BTN3A2: variants seen among roughly 807,000 people sequenced by gnomAD.
BTN3A2 encodes butyrophilin protein.
In BTN3A2, 25 loss-of-function variants were observed where a neutral mutation model predicts 37.6. The observed-to-expected ratio is 0.66, with a 90% confidence interval of 0.48 to 0.93. BTN3A2 has a LOEUF of 0.93. Among genes scored for constraint, BTN3A2 ranks in the 40% least tolerant of loss-of-function variants. The probability of loss-of-function intolerance (pLI) is 0.00; values close to 1 mark genes in which losing one functional copy is unlikely to be tolerated. For missense variants in BTN3A2, 266 were observed against 410.9 expected, an observed-to-expected ratio of 0.65 and a Z score of 3.05; for synonymous variants, 122 against 159.4, an observed-to-expected ratio of 0.77 and a Z score of 1.77.
At chr6:26,365,958 A>G (rs914490081) in intron 1 of BTN3A2, among the ~76,000 whole-genome samples, 2 of 152,180 alleles carry the variant, frequency 1.3e-5, no homozygotes, top group African/African-American at 4.8e-5. Context: ...TAATTAAGTG[A>G]AATTCTTTAT....
chr6:26,370,480 G>A lies in BTN3A2; in HGVS notation c.592G>A (p.Gly198Arg), dbSNP rs1759997656. Residue 198 changes from glycine (G) to arginine (R), a missense_variant, in exon 5 of 11, where the codon GGA becomes AGA. Around this residue, in one of 3 missense-constraint regions of BTN3A2, gnomAD observed 204 missense variants for 232.6 expected, o/e 0.88. Transcript: ENST00000377708. ...PAVEAPVVAD[G>R]VGLYEVAASV... ...TGTGGAAGCACCTGTGGTTGCAGATGGAGTGGGCCTATATGAAGTAGCAGC... is the reference window on the plus strand; with the variant it reads ...TGTGGAAGCACCTGTGGTTGCAGATAGAGTGGGCCTATATGAAGTAGCAGC... 2 of 1,614,194 alleles carry A rather than the reference G, an allele frequency of 1.2e-6. No individual in the cohort carries two copies. The highest frequency in any genetic ancestry group is 1.3e-5 in the African/African-American group (1 of 75,070).
intron 5 of BTN3A2, chr6:26,372,684 C>T (rs984382301): frequency 9.1e-6 from 5 of 549,650 alleles, no homozygotes; most frequent in Non-Finnish European, 1.3e-5. Flanking sequence ...GAGAGGCAGA[C>T]ATCTCAAGAT....
At position 26,376,867 on chromosome 6, in the gene BTN3A2, A is replaced by G; in HGVS notation, c.*1105A>G. 6.2e-7 allele frequency: 1 copy of G among 1,614,084 alleles called. No homozygotes were observed. The highest frequency in any genetic ancestry group is 8.5e-7 in the Non-Finnish European group (1 of 1,179,990). Reference sequence around the variant, plus strand: ...GGATACTGGACTATGGGCCTGACTGATGGGAATAAGTATCGGGCTCTCACT... The same window carrying G: ...GGATACTGGACTATGGGCCTGACTGGTGGGAATAAGTATCGGGCTCTCACT... On this transcript the variant is annotated 3_prime_UTR_variant, in exon 11 of 11. Transcript: ENST00000377708.
At position 26,371,963 on chromosome 6, in the gene BTN3A2, G is replaced by A. The variant is rs192375641; in HGVS notation, c.716-934G>A. On this transcript the variant is annotated intron_variant, in intron 5 of 10. Coordinates refer to ENST00000377708, the MANE Select transcript of BTN3A2 (RefSeq NM_007047.5). ...TAAAGTGCTGGGATTACAGGCGTGA[G>A]CCACTGCAACCGGCCTGTAAAAGGT... Among the ~76,000 whole-genome samples the A allele has an allele frequency of 1.2e-3, 178 of 152,320 alleles. 1 individual carries two copies. Among genetic ancestry groups the A allele is most frequent in the Non-Finnish European group, 2.3e-3 (156 of 68,036 alleles).
Position 26,376,948 on chromosome 6 carries a change from T to C in BTN3A2, c.*1186T>C, listed in dbSNP as rs1760749962. ...CCTCCTAGGAAAGTGGGGGTCATCC[T>C]GGACTATGAGACTGGACATATCTCG... On this transcript the variant is annotated 3_prime_UTR_variant, in exon 11 of 11. Transcript: ENST00000377708. 1 of 1,605,396 alleles carries C rather than the reference T, an allele frequency of 6.2e-7. No homozygotes were observed. The highest frequency in any genetic ancestry group is 1.3e-5 in the African/African-American group (1 of 74,734).
intron 10 of BTN3A2, chr6:26,375,034 T>C: frequency 2.4e-6 from 1 of 413,380 alleles, no homozygotes; most frequent in African/African-American, 2.0e-5. Flanking sequence ...CCCAAAGAAC[T>C]TTGTCCTTCC....
intron 1 of BTN3A2, among the ~76,000 whole-genome samples, chr6:26,366,475 AT>A (rs1173587053): frequency 6.6e-6 from 1 of 152,156 alleles, no homozygotes; most frequent in Non-Finnish European, 1.5e-5. Flanking sequence ...ATTCCTTTAT[AT>A]TTTTTTCTTT....
chr6:26,370,612 C>A lies in BTN3A2; in HGVS notation c.715+9C>A. On this transcript the variant is annotated intron_variant, in intron 5 of 10. Coordinates refer to ENST00000377708, the MANE Select transcript of BTN3A2 (RefSeq NM_007047.5). ...CAGCATTTCCATCGCAGGTCAGTACCTGCTTGGCCTCAGGTTTTCTGAGCT... is the reference window on the plus strand; with the variant it reads ...CAGCATTTCCATCGCAGGTCAGTACATGCTTGGCCTCAGGTTTTCTGAGCT... 1.9e-6 allele frequency: 3 copies of A among 1,613,694 alleles called. No individual in the cohort carries two copies. The highest frequency in any genetic ancestry group is 2.5e-6 in the Non-Finnish European group (3 of 1,179,646).
rs924387378 is a variant in BTN3A2 at position 26,376,360 on chromosome 6, A to G, written c.*598A>G. ...TGGGGCCGCATCAGGGTATTGGGTT[A>G]GGCAGATACTGACCTTACTTTCATT... is the stretch of plus-strand genomic sequence containing the variant. On this transcript the variant is annotated 3_prime_UTR_variant, in exon 11 of 11. Coordinates refer to ENST00000377708, the MANE Select transcript of BTN3A2 (RefSeq NM_007047.5). 4 of 309,206 alleles carry G rather than the reference A, an allele frequency of 1.3e-5. No homozygotes were observed. The highest frequency in any genetic ancestry group is 8.6e-5 in the African/African-American group (4 of 46,730). 19.2% of individuals were successfully genotyped at this position (309,206 alleles called of 1,614,324 possible).
chr6:26,371,887 C>T (rs1760152096), intron 5 of BTN3A2, among the ~76,000 whole-genome samples: 1 of 152,150 alleles, frequency 6.6e-6, no homozygotes, highest in South Asian at 2.1e-4. Context: ...CCATGTTGGC[C>T]AGGCTGGTCT....
chr6:26,376,487 C>CAG lies in BTN3A2; in HGVS notation c.*726_*727dup, dbSNP rs1760724218. ...ACACGGGGTTCTGGAAGGACCTCCT[C>CAG]AGCATGGCCCAAGCCTTGCATGCTG... On this transcript the variant is annotated 3_prime_UTR_variant, in exon 11 of 11. Transcript: ENST00000377708. 1.7e-6 allele frequency: 2 copies of CAG among 1,170,118 alleles called. No homozygotes were observed. The highest frequency in any genetic ancestry group is 6.2e-5 in the East Asian group (2 of 32,422). 72.5% of individuals were successfully genotyped at this position (1,170,118 alleles called of 1,614,324 possible). A position where few individuals can be genotyped will look rare whatever the true frequency, so the allele number is the denominator to read the frequency against.
At position 26,370,479 on chromosome 6, in the gene BTN3A2, T is replaced by C. The variant is rs9379862; in HGVS notation, c.591T>C (p.Asp197=). The part of the protein sequence containing the change: ...IPAVEAPVVA[D]GVGLYEVAAS... ...CTGTGGAAGCACCTGTGGTTGCAGA[T>C]GGAGTGGGCCTATATGAAGTAGCAG... is the stretch of plus-strand genomic sequence containing the variant. Residue 197 remains aspartate (D), a synonymous_variant, in exon 5 of 11, where the codon GAT becomes GAC. Coordinates refer to ENST00000377708, the MANE Select transcript of BTN3A2 (RefSeq NM_007047.5). 395,860 of 1,613,920 alleles carry C rather than the reference T, an allele frequency of 0.25. 49,941 individuals are homozygous for C. The highest frequency in any genetic ancestry group is 0.31 in the African/African-American group (23,259 of 74,976).
intron 4 of BTN3A2, 106 bp from the exon 5 acceptor site, chr6:26,370,216 T>G: frequency 7.2e-6 from 10 of 1,396,824 alleles, no homozygotes; most frequent in Non-Finnish European, 9.8e-6. Flanking sequence ...AGCTCCTGAA[T>G]GAAATATCTC....
intron 9 of BTN3A2, 54 bp from the exon 10 acceptor site, chr6:26,374,717 G>A (rs1760536479): frequency 4.1e-6 from 6 of 1,476,600 alleles, no homozygotes; most frequent in Non-Finnish European, 4.7e-6. Flanking sequence ...AGAATGGAGT[G>A]GGAAAAGTAC....
chr6:26,374,107 C>T (rs950485568), intron 8 of BTN3A2: 10 of 489,726 alleles, frequency 2.0e-5, no homozygotes, highest in Non-Finnish European at 3.2e-5. Flanking sequence ...TGCCCTGCCA[C>T]TAGCGTTCAA....
rs1195957581 is a variant in BTN3A2, at chr6:26,365,298, T to C, written c.-121T>C. On this transcript the variant is annotated 5_prime_UTR_variant, in exon 1 of 11. Transcript: ENST00000377708. ...CCATAATAGAAAGAATGGAGAATTATTGATTGACCGTCTTTATTCTGTGGG... is the reference window on the plus strand; with the variant it reads ...CCATAATAGAAAGAATGGAGAATTACTGATTGACCGTCTTTATTCTGTGGG... The C allele has an allele frequency of 1.5e-5, 23 of 1,535,132 alleles. No homozygotes were observed. Among genetic ancestry groups the C allele is most frequent in the Non-Finnish European group, 1.9e-5 (22 of 1,146,132 alleles).
Position 26,377,723 on chromosome 6 carries a change from C to G in BTN3A2, c.*1961C>G, listed in dbSNP as rs914859084. 1.4e-4 allele frequency: 24 copies of G among 175,526 alleles called. 1 individual carries two copies. The highest frequency in any genetic ancestry group is 2.9e-3 in the Middle Eastern group (1 of 350). The allele number at this position is 175,526 out of a possible 1,614,324, so 10.9% of individuals were successfully genotyped here. A position where few individuals can be genotyped will look rare whatever the true frequency, so the allele number is the denominator to read the frequency against. ...CTGCATGGGAAGAGCCCACATGTAG[C>G]CCTGAGGTTCCCTTCCCAGGACAGC... is the stretch of plus-strand genomic sequence containing the variant. On this transcript the variant is annotated 3_prime_UTR_variant, in exon 11 of 11. Transcript: ENST00000377708.
chr6:26,372,527 G>A (rs1187612598), intron 5 of BTN3A2, among the ~76,000 whole-genome samples: 2 of 152,326 alleles, frequency 1.3e-5, no homozygotes, highest in East Asian at 3.9e-4. Context: ...GGACTAAGAA[G>A]TTAATACATG....
chr6:26,374,875 T>A (rs1300938729), intron 10 of BTN3A2, 77 bp downstream of exon 10: 14 of 1,419,954 alleles, frequency 9.9e-6, no homozygotes, highest in Non-Finnish European at 1.4e-5. Flanking sequence ...CTTCTCCAAC[T>A]CTTGTGATTT....
Sources: allele counts gnomAD v4.1 joint callset (sites outside exome capture counted in the v4.1 genomes callset), GRCh38; gene constraint gnomAD v4.1.1; regional missense constraint gnomAD v4.1.1; transcripts MANE v1.5; gene names NCBI Gene and HGNC (gene_info 2026-07-23, HGNC 2026-07-21).